The following LRP1B variants were observed in gnomAD, a reference collection of about 807,000 sequenced individuals.
LRP1B encodes low-density lipoprotein receptor-related protein 1B.
In LRP1B, 217 loss-of-function variants were observed where a neutral mutation model predicts 556.6. The ratio of observed to expected loss-of-function variants is 0.39; its 90% CI spans 0.35 to 0.44. The LOEUF is 0.44. LRP1B is among the 20% of genes least tolerant of loss of function. The probability of loss-of-function intolerance (pLI) is 1.00; values close to 1 mark genes in which losing one functional copy is unlikely to be tolerated. For missense variants in LRP1B, 5,053 were observed against 5,620.8 expected (o/e 0.90, Z 3.23); for synonymous variants, 2,047 against 1,865.8 (o/e 1.10, Z -2.50).
At chr2:141,763,646 T>C (rs187225938) in intron 2 of LRP1B, among the ~76,000 whole-genome samples, 1 of 152,298 alleles carries the variant, frequency 6.6e-6, no homozygotes, top group East Asian at 1.9e-4. Flanking sequence ...TATATATTGC[T>C]GGTGTAAGAA....
At chr2:142,005,884 A>G (rs1220114860) in intron 1 of LRP1B, among the ~76,000 whole-genome samples, 2 of 147,558 alleles carry the variant, frequency 1.4e-5, no homozygotes, top group Non-Finnish European at 3.0e-5. Context: ...TTATCCTCTC[A>G]TGAAAAAAAA....
chr2:140,861,578 C>T (rs138002371), intron 27 of LRP1B, among the ~76,000 whole-genome samples: 36 of 152,282 alleles, frequency 2.4e-4, no homozygotes, highest in African/African-American at 8.7e-4. Flanking sequence ...TGGCTCTAGA[C>T]TAAGCTGATT....
chr2:141,677,812 A>T (rs575109813), intron 2 of LRP1B, among the ~76,000 whole-genome samples: 1 of 152,292 alleles, frequency 6.6e-6, no homozygotes, highest in African/African-American at 2.4e-5. Flanking sequence ...TCTTAAAAGC[A>T]TTAGGAAACA....
At chr2:142,122,792 T>A (rs1482577381) in intron 1 of LRP1B, among the ~76,000 whole-genome samples, 2 of 152,050 alleles carry the variant, frequency 1.3e-5, no homozygotes, top group African/African-American at 4.8e-5. Flanking sequence ...CCTTAAAAGT[T>A]AATAGAGTTG....
chr2:140,535,958 A>G (rs1205556646), intron 46 of LRP1B, among the ~76,000 whole-genome samples: 1 of 152,140 alleles, frequency 6.6e-6, no homozygotes, highest in African/African-American at 2.4e-5. Context: ...AGACAGAAAT[A>G]GAATCGACAA....
chr2:140,884,450 A>G (rs1378213938), intron 24 of LRP1B, among the ~76,000 whole-genome samples: 1 of 152,200 alleles, frequency 6.6e-6, no homozygotes, highest in African/African-American at 2.4e-5. Context: ...AGCCCACCAG[A>G]GCTAAGATGC....
At chr2:141,929,775 C>A (rs1000754139) in intron 1 of LRP1B, among the ~76,000 whole-genome samples, 10 of 151,890 alleles carry the variant, frequency 6.6e-5, no homozygotes, top group African/African-American at 2.2e-4. Context: ...AAATGACATT[C>A]CTTTTGTTTG....
intron 41 of LRP1B, among the ~76,000 whole-genome samples, chr2:140,607,014 G>A (rs1682892584): frequency 1.3e-5 from 2 of 152,128 alleles, no homozygotes; most frequent in Non-Finnish European, 1.5e-5. Context: ...GACAGAATGG[G>A]AGACAATATT....
intron 2 of LRP1B, among the ~76,000 whole-genome samples, chr2:141,591,602 G>GTGTGTGTT (rs1687343454): frequency 6.6e-6 from 1 of 151,626 alleles, no homozygotes; most frequent in Admixed American, 6.6e-5. Flanking sequence ...GTGTGTGTGT[G>GTGTGTGTT]TGTGTGTCTG....
chr2:140,461,554 G>A (rs1426777497), intron 60 of LRP1B, among the ~76,000 whole-genome samples: 2 of 152,038 alleles, frequency 1.3e-5, no homozygotes, highest in Non-Finnish European at 2.9e-5. Context: ...ATGACTATAG[G>A]CCAGGCGTGG....
chr2:141,160,105 T>A (rs997636836), intron 7 of LRP1B, among the ~76,000 whole-genome samples: 13 of 150,872 alleles, frequency 8.6e-5, no homozygotes, highest in African/African-American at 3.1e-4. Context: ...TCCCATTTCT[T>A]ATTTTTTTTT....
chr2:140,980,578 G>C (rs1244373127), intron 18 of LRP1B, among the ~76,000 whole-genome samples: 1 of 152,150 alleles, frequency 6.6e-6, no homozygotes, highest in Non-Finnish European at 1.5e-5. Context: ...TATATACTCA[G>C]ATGTTTACAG....
At chr2:140,296,453 C>T (rs1177639981) in intron 84 of LRP1B, among the ~76,000 whole-genome samples, 1 of 152,004 alleles carries the variant, frequency 6.6e-6, no homozygotes, top group African/African-American at 2.4e-5. Flanking sequence ...AGAGTGATAA[C>T]AAGCTGTCAA....
At chr2:141,692,466 AT>A (rs746876510) in intron 2 of LRP1B, among the ~76,000 whole-genome samples, 1 of 151,856 alleles carries the variant, frequency 6.6e-6, no homozygotes, top group Non-Finnish European at 1.5e-5. Flanking sequence ...ATTCCTACTC[AT>A]CTTTTCAGCA....
chr2:140,956,496 T>C (rs1340735781), intron 18 of LRP1B, among the ~76,000 whole-genome samples: 1 of 151,794 alleles, frequency 6.6e-6, no homozygotes, highest in African/African-American at 2.4e-5. Flanking sequence ...AATATTCTTA[T>C]GAAAAGTGGT....
intron 2 of LRP1B, among the ~76,000 whole-genome samples, chr2:141,597,135 AC>A (rs1218421914): frequency 6.6e-6 from 1 of 151,808 alleles, no homozygotes; most frequent in Non-Finnish European, 1.5e-5. Context: ...ACTTTAGTTG[AC>A]CCAAAGTGAT....
At chr2:140,773,243 T>A (rs566481857) in intron 33 of LRP1B, among the ~76,000 whole-genome samples, 1 of 152,270 alleles carries the variant, frequency 6.6e-6, no homozygotes, top group East Asian at 1.9e-4. Flanking sequence ...GGAGGGCAGA[T>A]CACCTGGGGT....
At chr2:142,026,275 C>T (rs1703499083) in intron 1 of LRP1B, among the ~76,000 whole-genome samples, 1 of 152,018 alleles carries the variant, frequency 6.6e-6, no homozygotes, top group Non-Finnish European at 1.5e-5. Flanking sequence ...GAGTCTTATG[C>T]CTGTGCTTCA....
At position 140,526,300 on chromosome 2, in the gene LRP1B, G is replaced by C. The variant is rs1423518217; in HGVS notation, c.7813C>G (p.Pro2605Ala). Reference protein sequence around the residue: ...EFRCADGTCIPRSARCNQNID... With the variant: ...EFRCADGTCIARSARCNQNID... ...TTCTGGTTGCATCGTGCTGATCTTG[G>C]AATACAAGTCCCATCTGCACAGCGG... Residue 2605 changes from proline to alanine, a missense_variant, in exon 48 of 91, where the codon CCA (proline) becomes GCA (alanine). This residue lies in a region of LRP1B where 3,619 missense variants were observed against 3,931.9 expected (regional missense o/e 0.92). Coordinates refer to ENST00000389484, the MANE Select transcript of LRP1B (RefSeq NM_018557.3). 1 of 1,612,022 alleles carries C rather than the reference G, an allele frequency of 6.2e-7. No individual in the cohort carries two copies. Among genetic ancestry groups the C allele is most frequent in the African/African-American group, 1.3e-5 (1 of 74,858 alleles).
Sources: allele counts gnomAD v4.1 joint callset (sites outside exome capture counted in the v4.1 genomes callset), GRCh38; gene constraint gnomAD v4.1.1; regional missense constraint gnomAD v4.1.1; transcripts MANE v1.5; gene names NCBI Gene and HGNC (gene_info 2026-07-23, HGNC 2026-07-21).